HACD2: variants seen among roughly 807,000 people sequenced by gnomAD.
HACD2 encodes very-long-chain (3R)-3-hydroxyacyl-CoA dehydratase 2.
A neutral mutation model predicts 31.0 loss-of-function variants in HACD2; 15 were observed. The ratio of observed to expected loss-of-function variants is 0.48; its 90% CI spans 0.32 to 0.75. The LOEUF (loss-of-function observed/expected upper bound fraction) is 0.75, where lower values mean the gene tolerates loss of function less well. Ranked by LOEUF, HACD2 falls within the 30% of genes least tolerant of loss-of-function variation. The probability of loss-of-function intolerance (pLI) is 0.03; values close to 1 mark genes in which losing one functional copy is unlikely to be tolerated. For synonymous variants in HACD2, 115 were observed against 122.2 expected (o/e 0.94, Z 0.39); for missense variants, 283 against 313.0 (o/e 0.90, Z 0.72).
intron 3 of HACD2, among the ~76,000 whole-genome samples, chr3:123,536,605 A>G (rs774792322): frequency 1.3e-5 from 2 of 152,214 alleles, no homozygotes; most frequent in Non-Finnish European, 2.9e-5. Context: ...CTAAATCTGC[A>G]CTGAAAGAAT....
At chr3:123,522,624 AAGTTTGAC>A (rs2056230979) in intron 4 of HACD2, among the ~76,000 whole-genome samples, 1 of 151,966 alleles carries the variant, frequency 6.6e-6, no homozygotes, top group Non-Finnish European at 1.5e-5. Context: ...AAGCTGCCTC[AAGTTTGAC>A]AGTGTCTGAT....
At chr3:123,566,876 T>G (rs1301240193) in intron 3 of HACD2, among the ~76,000 whole-genome samples, 1 of 152,142 alleles carries the variant, frequency 6.6e-6, no homozygotes, top group African/African-American at 2.4e-5. Flanking sequence ...TGGAGCCAGA[T>G]ATCACAGTGA....
chr3:123,563,364 C>A (rs1000917206), intron 3 of HACD2, among the ~76,000 whole-genome samples: 1 of 152,090 alleles, frequency 6.6e-6, no homozygotes, highest in African/African-American at 2.4e-5. Flanking sequence ...CTGGGCACAG[C>A]GCAGATGAGC....
chr3:123,499,260 C>G (rs1349131632), intron 6 of HACD2: 1 of 173,086 alleles, frequency 5.8e-6, no homozygotes, highest in African/African-American at 2.4e-5. Context: ...AAATGAAACT[C>G]TAAAAAAAAA....
At chr3:123,504,502 C>T (rs987775272) in intron 4 of HACD2, among the ~76,000 whole-genome samples, 2 of 151,742 alleles carry the variant, frequency 1.3e-5, no homozygotes, top group East Asian at 1.9e-4. Flanking sequence ...TGATAGTTTC[C>T]GTGTAGTCTT....
chr3:123,566,008 T>A (rs2056786936), intron 3 of HACD2, among the ~76,000 whole-genome samples: 1 of 152,162 alleles, frequency 6.6e-6, no homozygotes, highest in Non-Finnish European at 1.5e-5. Flanking sequence ...AGATCACTAG[T>A]TTTCTCTGGG....
At chr3:123,565,159 T>C (rs920275265) in intron 3 of HACD2, among the ~76,000 whole-genome samples, 1 of 152,082 alleles carries the variant, frequency 6.6e-6, no homozygotes, top group African/African-American at 2.4e-5. Context: ...AATGAAAAAA[T>C]ATACTTGTCA....
At chr3:123,539,362 G>C (rs2056462008) in intron 3 of HACD2, among the ~76,000 whole-genome samples, 1 of 152,116 alleles carries the variant, frequency 6.6e-6, no homozygotes, top group Non-Finnish European at 1.5e-5. Flanking sequence ...TTGAGGTCAG[G>C]AGTTTGAGAC....
At chr3:123,533,244 G>A (rs1576756989) in intron 3 of HACD2, among the ~76,000 whole-genome samples, 1 of 152,194 alleles carries the variant, frequency 6.6e-6, no homozygotes, top group Non-Finnish European at 1.5e-5. Context: ...AACCTCCTGG[G>A]TTCAAGCCAT....
intron 4 of HACD2, among the ~76,000 whole-genome samples, chr3:123,513,908 G>C (rs1196557703): frequency 6.6e-6 from 1 of 152,154 alleles, no homozygotes; most frequent in Non-Finnish European, 1.5e-5. Flanking sequence ...ACATACTCAA[G>C]TACTTATGGG....
chr3:123,508,201 T>C (rs1415449207), intron 4 of HACD2, among the ~76,000 whole-genome samples: 2 of 152,164 alleles, frequency 1.3e-5, no homozygotes, highest in African/African-American at 4.8e-5. Flanking sequence ...TTCAGAATGA[T>C]GGGCACAAAT....
chr3:123,555,600 A>G (rs1409760459), intron 3 of HACD2, among the ~76,000 whole-genome samples: 1 of 152,240 alleles, frequency 6.6e-6, no homozygotes, highest in African/African-American at 2.4e-5. Flanking sequence ...TAAGTGGAGA[A>G]ATATTATATG....
chr3:123,583,749 A>G (rs1171037787), intron 1 of HACD2, among the ~76,000 whole-genome samples: 1 of 152,232 alleles, frequency 6.6e-6, no homozygotes, highest in Non-Finnish European at 1.5e-5. Flanking sequence ...ATGTATAAAC[A>G]TATTTGCTTG....
intron 3 of HACD2, among the ~76,000 whole-genome samples, chr3:123,541,913 C>T (rs1009179862): frequency 1.3e-5 from 2 of 151,888 alleles, no homozygotes; most frequent in African/African-American, 2.4e-5. Context: ...TTTGGGAGGC[C>T]GAGGCGGGCG....
intron 2 of HACD2, among the ~76,000 whole-genome samples, chr3:123,578,197 T>C (rs2107759980): frequency 6.6e-6 from 1 of 152,352 alleles, no homozygotes. Flanking sequence ...TATCAGTAAT[T>C]CATTTGCCTT....
intron 3 of HACD2, 64 bp from the exon 4 acceptor site, chr3:123,528,538 T>C (rs1208008646): frequency 6.2e-6 from 6 of 970,348 alleles, no homozygotes; most frequent in East Asian, 4.8e-5. Context: ...ATAATATATT[T>C]TCTAAAACAT....
intron 3 of HACD2, among the ~76,000 whole-genome samples, chr3:123,555,611 T>A (rs141032155): frequency 1.7e-3 from 255 of 152,310 alleles, no homozygotes; most frequent in African/African-American, 5.9e-3. Context: ...ATATTATATG[T>A]CTGTGGATTG....
At chr3:123,583,243 T>C (rs918524121) in intron 1 of HACD2, among the ~76,000 whole-genome samples, 1 of 152,194 alleles carries the variant, frequency 6.6e-6, no homozygotes, top group Non-Finnish European at 1.5e-5. Context: ...CCAATTTATC[T>C]TCCTGGTTTA....
intron 6 of HACD2, among the ~76,000 whole-genome samples, chr3:123,496,558 G>A (rs938812772): frequency 1.3e-5 from 2 of 152,182 alleles, no homozygotes; most frequent in East Asian, 3.9e-4. Context: ...CTGCCAGGCA[G>A]GACGTCGTTC....
Sources: allele counts gnomAD v4.1 joint callset (sites outside exome capture counted in the v4.1 genomes callset), GRCh38; gene constraint gnomAD v4.1.1; transcripts MANE v1.5; gene names NCBI Gene and HGNC (gene_info 2026-07-23, HGNC 2026-07-21).